The following PDE11A variants were observed in gnomAD, a reference collection of about 807,000 sequenced individuals.
PDE11A encodes the protein phosphodiesterase 11A, also known as dual 3',5'-cyclic-AMP and -GMP phosphodiesterase 11A.
In PDE11A, 100 loss-of-function variants were observed where a neutral mutation model predicts 100.5. The ratio of observed to expected loss-of-function variants is 1.00; its 90% CI spans 0.85 to 1.18. PDE11A has a LOEUF of 1.18. PDE11A is among the 50% of genes most tolerant of loss of function. The pLI is 0.00. For missense variants in PDE11A, 1,141 were observed against 1,152.6 expected (o/e 0.99, Z 0.15); for synonymous variants, 381 against 420.8 (o/e 0.91, Z 1.16).
chr2:177,881,676 A>G (rs2084345689), intron 4 of PDE11A, among the ~76,000 whole-genome samples: 1 of 152,366 alleles, frequency 6.6e-6, no homozygotes, highest in South Asian at 2.1e-4. Context: ...AGGATGGCCC[A>G]TGGGCCATAT....
intron 13 of PDE11A, among the ~76,000 whole-genome samples, chr2:177,706,785 T>G (rs1427295127): frequency 6.6e-6 from 1 of 152,116 alleles, no homozygotes; most frequent in Non-Finnish European, 1.5e-5. Flanking sequence ...GATGTGAGGA[T>G]GCAAAAAAAC....
rs1252112968 is a variant in PDE11A, at chr2:177,624,431, A to T, written c.*4976T>A. 6.6e-6 allele frequency: 1 copy of T among 152,220 alleles called. No individual in the cohort carries two copies. Among genetic ancestry groups the T allele is most frequent in the Non-Finnish European group, 1.5e-5 (1 of 68,044 alleles). 9.4% of individuals were successfully genotyped at this position (152,220 alleles called of 1,614,324 possible). On this transcript the variant is annotated 3_prime_UTR_variant, in exon 20 of 20. Coordinates refer to ENST00000286063, the MANE Select transcript of PDE11A (RefSeq NM_016953.4). ...CAGCAGGAAAAATAGATTTTAAAAT[A>T]ATTTTACTGCAGAATAAATTGGGCA... is the stretch of plus-strand genomic sequence containing the variant.
chr2:177,912,700 A>C (rs922883769), intron 2 of PDE11A, among the ~76,000 whole-genome samples: 1 of 152,290 alleles, frequency 6.6e-6, no homozygotes, highest in Admixed American at 6.5e-5. Flanking sequence ...CAAGAGAAAA[A>C]AAATACCCAT....
At chr2:177,769,885 CAAA>C (rs10572990) in intron 9 of PDE11A, among the ~76,000 whole-genome samples, 63 of 70,874 alleles carry the variant, frequency 8.9e-4, no homozygotes, top group Admixed American at 2.2e-3. Context: ...AAGACCCTAT[CAAA>C]AAAAAAAAAA....
chr2:177,926,211 T>A (rs2105759103), intron 2 of PDE11A, among the ~76,000 whole-genome samples: 1 of 152,216 alleles, frequency 6.6e-6, no homozygotes, highest in Non-Finnish European at 1.5e-5. Flanking sequence ...TAAGCTAATT[T>A]CAGAAGTATT....
At chr2:177,648,458 C>A (rs1327427887) in intron 19 of PDE11A, among the ~76,000 whole-genome samples, 2 of 152,196 alleles carry the variant, frequency 1.3e-5, no homozygotes, top group Admixed American at 6.5e-5. Context: ...CATTTTCTAT[C>A]TTTTAAATGT....
At position 177,935,160 on chromosome 2, in the gene PDE11A, C is replaced by A. The variant is rs149918712; in HGVS notation, c.1072-29973G>T. The stretch of plus-strand genomic sequence containing the variant: ...TTCCCACCAAAAGCACACAAAATAT[C>A]TTGTTCTATTTAATCTACATAGACT... On this transcript the variant is annotated intron_variant, in intron 2 of 19. Transcript: ENST00000286063. 2.7e-4 allele frequency among the ~76,000 whole-genome samples: 41 copies of A among 152,258 alleles called. No homozygotes were observed. In the East Asian group the frequency reaches 7.1e-3, roughly 27 times the overall value.
intron 5 of PDE11A, among the ~76,000 whole-genome samples, chr2:177,860,202 A>G (rs2083921877): frequency 1.3e-5 from 2 of 150,760 alleles, no homozygotes; most frequent in Non-Finnish European, 1.5e-5. Flanking sequence ...AAAATTGGTA[A>G]TCCTTTAGCT....
At chr2:177,799,773 C>T (rs964075422) in intron 9 of PDE11A, among the ~76,000 whole-genome samples, 2 of 152,158 alleles carry the variant, frequency 1.3e-5, no homozygotes, top group African/African-American at 2.4e-5. Flanking sequence ...ACTGTCTGAG[C>T]TCTCATTCAG....
chr2:177,701,951 T>C (rs2081203495), intron 13 of PDE11A, among the ~76,000 whole-genome samples: 1 of 152,174 alleles, frequency 6.6e-6, no homozygotes, highest in Non-Finnish European at 1.5e-5. Context: ...GTCTCTAAGA[T>C]TATATTATCT....
intron 19 of PDE11A, among the ~76,000 whole-genome samples, chr2:177,633,962 T>C (rs1222853291): frequency 6.6e-6 from 1 of 152,238 alleles, no homozygotes; most frequent in African/African-American, 2.4e-5. Flanking sequence ...GGCTCTGTTT[T>C]ACTTATTAAA....
At chr2:177,659,892 T>A (rs1030659552) in intron 19 of PDE11A, among the ~76,000 whole-genome samples, 3 of 152,132 alleles carry the variant, frequency 2.0e-5, no homozygotes, top group Non-Finnish European at 4.4e-5. Context: ...TCCTTCGAGA[T>A]ACCCTGCTAG....
chr2:177,935,172 A>G (rs1232677645), intron 2 of PDE11A, among the ~76,000 whole-genome samples: 2 of 152,220 alleles, frequency 1.3e-5, no homozygotes, highest in African/African-American at 2.4e-5. Flanking sequence ...TGTTCTATTT[A>G]ATCTACATAG....
At chr2:177,758,691 A>G (rs7606084) in intron 10 of PDE11A, among the ~76,000 whole-genome samples, 12,480 of 152,194 alleles carry the variant, frequency 0.082, 1,715 homozygotes, top group African/African-American at 0.28. Flanking sequence ...TGACCTCCAG[A>G]TGCCTACTGC....
At chr2:177,927,717 C>T (rs1559010423) in intron 2 of PDE11A, among the ~76,000 whole-genome samples, 1 of 152,186 alleles carries the variant, frequency 6.6e-6, no homozygotes. Flanking sequence ...CTAACATTAA[C>T]TGCTTTCATA....
chr2:178,017,542 G>T (rs1399640216), intron 1 of PDE11A, among the ~76,000 whole-genome samples: 2 of 152,182 alleles, frequency 1.3e-5, no homozygotes, highest in Non-Finnish European at 2.9e-5. Flanking sequence ...ATAAAAGCAT[G>T]TAAGGGAATA....
chr2:178,022,277 G>C (rs2086422473), intron 1 of PDE11A, among the ~76,000 whole-genome samples: 4 of 152,122 alleles, frequency 2.6e-5, no homozygotes, highest in African/African-American at 7.2e-5. Flanking sequence ...TTAGAGAAGT[G>C]AAAATGACTC....
At chr2:177,962,661 G>T (rs1034077557) in intron 2 of PDE11A, among the ~76,000 whole-genome samples, 1 of 152,086 alleles carries the variant, frequency 6.6e-6, no homozygotes, top group Non-Finnish European at 1.5e-5. Context: ...AGATGAATTA[G>T]GGTCAGATAA....
At chr2:177,725,256 A>C (rs947721485) in intron 12 of PDE11A, among the ~76,000 whole-genome samples, 2 of 152,116 alleles carry the variant, frequency 1.3e-5, no homozygotes, top group Non-Finnish European at 2.9e-5. Flanking sequence ...TTTCTTAATT[A>C]AAAAATTCTG....
Sources: allele counts gnomAD v4.1 joint callset (sites outside exome capture counted in the v4.1 genomes callset), GRCh38; gene constraint gnomAD v4.1.1; transcripts MANE v1.5; gene names NCBI Gene and HGNC (gene_info 2026-07-23, HGNC 2026-07-21).